The following ENGASE variants were observed in gnomAD, a reference collection of about 807,000 sequenced individuals.
ENGASE encodes endo-beta-N-acetylglucosaminidase, also known as cytosolic endo-beta-N-acetylglucosaminidase.
In ENGASE, 69 loss-of-function variants were observed where a neutral mutation model predicts 78.5. That is an observed-to-expected ratio of 0.88 (90% CI 0.72 to 1.07). ENGASE has a LOEUF of 1.07. Among genes scored for constraint, ENGASE ranks in the 50% least tolerant of loss-of-function variants. The pLI, the probability that ENGASE is intolerant of heterozygous loss-of-function variation, is 0.00. For missense variants in ENGASE, 943 were observed against 988.4 expected, an observed-to-expected ratio of 0.95 and a Z score of 0.62; for synonymous variants, 408 against 408.9, an observed-to-expected ratio of 1.00 and a Z score of 0.03.
rs567171745 is a variant in ENGASE at position 79,083,703 on chromosome 17, C to G, written c.1252-58C>G. On this transcript the variant is annotated intron_variant, in intron 9 of 13. Coordinates refer to ENST00000579016, the MANE Select transcript of ENGASE (RefSeq NM_001042573.3). This position sits in a 1 kb window ranked among gnomAD's most constrained non-coding sequence, Gnocchi z 4.9. The stretch of plus-strand genomic sequence containing the variant: ...GTGGTCTTACCCTTCCCTGCCGCTC[C>G]GGGCACCCCTGCTCTGTTGGCCTCT... The G allele has an allele frequency of 6.5e-4, 1,022 of 1,572,948 alleles. No individual in the cohort carries two copies. Among genetic ancestry groups the G allele is most frequent in the Non-Finnish European group, 8.3e-4 (954 of 1,151,684 alleles).
intron 2 of ENGASE, 41 bp from the exon 3 acceptor site, chr17:79,077,622 T>C (rs571409498): frequency 6.2e-7 from 1 of 1,608,120 alleles, no homozygotes; most frequent in Non-Finnish European, 8.5e-7. Context: ...AATCCTATAA[T>C]AGTTTCCATT....
intron 2 of ENGASE, 65 bp downstream of exon 2, chr17:79,077,562 C>T: frequency 6.4e-7 from 1 of 1,551,312 alleles, no homozygotes; most frequent in South Asian, 1.2e-5. Context: ...GCAGGTCAGC[C>T]CCTGCCCCCT....
chr17:79,085,117 G>C (rs556710680), intron 11 of ENGASE, 117 bp from the exon 12 acceptor site: 4 of 803,778 alleles, frequency 5.0e-6, no homozygotes, highest in Admixed American at 2.0e-5. Context: ...TGGGACCCGC[G>C]AGCGTCTGGC....
In ENGASE at chr17:79,084,238, C is replaced by A. The variant is rs1233307959; in HGVS notation, c.1442+287C>A. 38 of 514,362 alleles carry A rather than the reference C, an allele frequency of 7.4e-5. No homozygotes were observed. The South Asian group carries it at 9.6e-4, about 13-fold the overall frequency. The allele number at this position is 514,362 out of a possible 1,614,324, so 31.9% of individuals were successfully genotyped here. A position where few individuals can be genotyped will look rare whatever the true frequency, so the allele number is the denominator to read the frequency against. ...CTCTCCCCATTGCACATTAGCCCCC[C>A]ATCCTCCCCCAGCCCCCCAAAGCCA... On this transcript the variant is annotated intron_variant, in intron 10 of 13. Coordinates refer to ENST00000579016, the MANE Select transcript of ENGASE (RefSeq NM_001042573.3).
chr17:79,086,349 A>C lies in ENGASE; in HGVS notation c.2232A>C (p.Ter744CysextTer187). 1 of 1,607,448 alleles carries C rather than the reference A, an allele frequency of 6.2e-7. No homozygotes were observed. The highest frequency in any genetic ancestry group is 8.5e-7 in the Non-Finnish European group (1 of 1,176,028). ...RAVLLYSAPA[*>C] ...TTCTGCTTTATTCAGCCCCTGCATG[A>C]GCGGATGCTAAGGCCGGGTGGTCTC... Residue 744 changes from the stop codon to cysteine, a stop_lost, in exon 14 of 14, where the codon TGA (stop) becomes TGC (cysteine). Transcript: ENST00000579016.
At chr17:79,084,164 C>T (rs1023641421) in intron 10 of ENGASE, 11 of 569,362 alleles carry the variant, frequency 1.9e-5, no homozygotes, top group Admixed American at 7.2e-5. Flanking sequence ...ACTCTGCGTA[C>T]GTTGCTACGT....
At position 79,086,900 on chromosome 17, in the gene ENGASE, C is replaced by G. The variant is rs2073329894; in HGVS notation, c.*551C>G. The G allele has an allele frequency of 2.2e-6, 1 of 457,052 alleles. No homozygotes were observed. The highest frequency in any genetic ancestry group is 2.3e-5 in the Admixed American group (1 of 42,740). The allele number at this position is 457,052 out of a possible 1,614,324, so 28.3% of individuals were successfully genotyped here. On this transcript the variant is annotated 3_prime_UTR_variant, in exon 14 of 14. Coordinates refer to ENST00000579016, the MANE Select transcript of ENGASE (RefSeq NM_001042573.3). ...AACCGTCCTCCCAGTGTGGAAGGCCCTTTTCCCTGAGGAGTGGGCATTCTG... is the reference window on the plus strand; with the variant it reads ...AACCGTCCTCCCAGTGTGGAAGGCCGTTTTCCCTGAGGAGTGGGCATTCTG...
At chr17:79,078,254 C>T (rs2073016970) in intron 3 of ENGASE, among the ~76,000 whole-genome samples, 1 of 152,088 alleles carries the variant, frequency 6.6e-6, no homozygotes, top group Admixed American at 6.5e-5. Flanking sequence ...GCAGGAGAAT[C>T]GCTTGAACCA....
chr17:79,080,277 G>A lies in ENGASE; in HGVS notation c.636G>A (p.Ser212=), dbSNP rs200866626. The A allele has an allele frequency of 1.1e-4, 175 of 1,613,848 alleles. No individual in the cohort carries two copies. Among genetic ancestry groups the A allele is most frequent in the South Asian group, 4.9e-4 (45 of 91,070 alleles). Residue 212 remains serine (S), a synonymous_variant, in exon 5 of 14, where the codon TCG becomes TCA. Coordinates refer to ENST00000579016, the MANE Select transcript of ENGASE (RefSeq NM_001042573.3). ...CEAFLAGDER[S]YQAVADRLVQ... The stretch of plus-strand genomic sequence containing the variant: ...CCTTCCTGGCCGGGGATGAGCGCTC[G>A]TACCAGGCAGTGGCTGACCGGCTGG...
intron 7 of ENGASE, 98 bp from the exon 8 acceptor site, chr17:79,082,922 C>G: frequency 1.3e-6 from 2 of 1,574,480 alleles, no homozygotes; most frequent in Non-Finnish European, 1.7e-6. Context: ...CCTCCCGTTT[C>G]TGAGCTGCCC....
rs1414651447 is a variant in ENGASE at position 79,083,165 on chromosome 17, AG to A, written c.1142+45del. 1 of 1,428,600 alleles carries A rather than the reference AG, an allele frequency of 7.0e-7. No individual in the cohort carries two copies. Among genetic ancestry groups the A allele is most frequent in the South Asian group, 1.2e-5 (1 of 86,112 alleles). 88.5% of individuals were successfully genotyped at this position (1,428,600 alleles called of 1,614,324 possible). On this transcript the variant is annotated intron_variant, in intron 8 of 13. Transcript: ENST00000579016. This position sits in a 1 kb window ranked among gnomAD's most constrained non-coding sequence, Gnocchi z 4.9. ...TGGGTGCTTAGTGCAGGCTGATGGG[AG>A]GGAGGGGTTTCTGGTGTCTCTGATA...
chr17:79,075,160 T>G, intron 1 of ENGASE, 70 bp downstream of exon 1: 7 of 1,182,734 alleles, frequency 5.9e-6, no homozygotes, highest in Non-Finnish European at 5.2e-6. Context: ...GGCCCGAGGT[T>G]TCCCGGCACG....
Position 79,086,156 on chromosome 17 carries a change from G to A in ENGASE, c.2039G>A (p.Arg680Lys). Residue 680 changes from arginine to lysine, a missense_variant, in exon 14 of 14, where the codon AGG (arginine) becomes AAG (lysine). Arg to Lys is a conservative substitution (Grantham distance 26). Transcript: ENST00000579016. ...GACTCTCCGGGCAGGGAGCTGCCGA[G>A]GCCAGAGATGCCCATGTTCCTGGGG... ...SDDSPGRELP[R>K]PEMPMFLGLA... 2 of 1,613,832 alleles carry A rather than the reference G, an allele frequency of 1.2e-6. No homozygotes were observed. The highest frequency in any genetic ancestry group is 1.1e-5 in the South Asian group (1 of 91,088).
chr17:79,081,749 TGTGGGGTGGGGTGGGGTGGGGTGGG>T (rs55950748), intron 6 of ENGASE, 124 bp from the exon 7 acceptor site: 21 of 636,854 alleles, frequency 3.3e-5, no homozygotes, highest in Middle Eastern at 4.4e-4. Context: ...GCTGAGGCTG[TGTGGGGTGGGGTGGGGTGGGGTGGG>T]GTGGGGTGGG....
rs946961894 is a variant in ENGASE at position 79,083,332 on chromosome 17, G to A, written c.1143-150G>A. On this transcript the variant is annotated intron_variant, in intron 8 of 13. Coordinates refer to ENST00000579016, the MANE Select transcript of ENGASE (RefSeq NM_001042573.3). This position sits in a 1 kb window ranked among gnomAD's most constrained non-coding sequence, Gnocchi z 4.9. Reference sequence around the variant, plus strand: ...CTTCCTGCAGACTCGTGTTTGCAGCGTATCTGTAGACGGGGAGGCTGCAGT... The same window carrying A: ...CTTCCTGCAGACTCGTGTTTGCAGCATATCTGTAGACGGGGAGGCTGCAGT... 3.1e-5 allele frequency: 22 copies of A among 705,842 alleles called. No individual in the cohort carries two copies. The highest frequency in any genetic ancestry group is 4.9e-4 in the Middle Eastern group (2 of 4,096). The allele number at this position is 705,842 out of a possible 1,614,324, so 43.7% of individuals were successfully genotyped here. A position where few individuals can be genotyped will look rare whatever the true frequency, so the allele number is the denominator to read the frequency against.
chr17:79,079,715 C>T (rs994323846), intron 4 of ENGASE, 78 bp downstream of exon 4: 44 of 1,543,754 alleles, frequency 2.9e-5, no homozygotes, highest in South Asian at 2.1e-4. Context: ...TTAGGAGGCA[C>T]GGGCTTTGCC....
At chr17:79,081,314 A>T (rs1451420252) in intron 6 of ENGASE, among the ~76,000 whole-genome samples, 1 of 152,178 alleles carries the variant, frequency 6.6e-6, no homozygotes, top group Non-Finnish European at 1.5e-5. Context: ...CATCCTGGCT[A>T]ACACGGTGAA....
chr17:79,074,878 T>A lies in ENGASE; in HGVS notation c.-67T>A. 8.2e-7 allele frequency: 1 copy of A among 1,226,672 alleles called. No individual in the cohort carries two copies. Among genetic ancestry groups the A allele is most frequent in the Non-Finnish European group, 1.0e-6 (1 of 982,436 alleles). 76.0% of individuals were successfully genotyped at this position (1,226,672 alleles called of 1,614,324 possible). ...CGGCGTCAGCGCTGCGCACTTCCCA[T>A]TGGCCGAGCGCGGCGCGGGGGCGGG... is the stretch of plus-strand genomic sequence containing the variant. On this transcript the variant is annotated 5_prime_UTR_variant, in exon 1 of 14. The change creates a new upstream start codon in the 5' untranslated region. Coordinates refer to ENST00000579016, the MANE Select transcript of ENGASE (RefSeq NM_001042573.3).
intron 5 of ENGASE, 101 bp downstream of exon 5, chr17:79,080,465 G>T: frequency 7.3e-7 from 1 of 1,369,872 alleles, no homozygotes; most frequent in Non-Finnish European, 1.0e-6. Flanking sequence ...CGCCTGGGCT[G>T]CAGGTTGCAG....
Sources: gnomAD v4.1 joint callset for allele counts (sites outside exome capture counted in the v4.1 genomes callset) on GRCh38, gnomAD v4.1.1 for gene constraint, Gnocchi (gnomAD v3.1) non-coding constraint, MANE v1.5 for transcripts, NCBI Gene and HGNC (gene_info 2026-07-23, HGNC 2026-07-21) for gene names.